GIMAP8: variants seen among roughly 807,000 people sequenced by gnomAD.
GIMAP8 encodes the protein GTPase IMAP family member 8.
Under a neutral mutation model 35.6 loss-of-function variants are expected in GIMAP8, and 29 were observed. The observed-to-expected ratio is 0.81, with a 90% CI of 0.61 to 1.11. GIMAP8 has a LOEUF of 1.11. Ranked by LOEUF, GIMAP8 falls within the 50% of genes most tolerant of loss-of-function variation. The pLI, the probability that GIMAP8 is intolerant of heterozygous loss-of-function variation, is 0.00. For synonymous variants in GIMAP8, 335 were observed against 308.7 expected, an observed-to-expected ratio of 1.09 and a Z score of -0.89; for missense variants, 811 against 805.0, an observed-to-expected ratio of 1.01 and a Z score of -0.09.
intron 1 of GIMAP8, among the ~76,000 whole-genome samples, chr7:150,452,969 C>T (rs62501488): frequency 0.18 from 28,003 of 151,486 alleles, 3,298 homozygotes; most frequent in Non-Finnish European, 0.26. Flanking sequence ...TTTACCTCCA[C>T]GTATTGGGCA....
Position 150,474,083 on chromosome 7 carries a change from C to T in GIMAP8, c.754C>T (p.Leu252Phe). The part of the protein sequence containing the change: ...NPGTSELTVL[L>F]VGKRGAGKSA... Reference sequence around the variant, plus strand: ...GGGGACATCAGAACTGACAGTCCTCCTTGTGGGGAAACGCGGTGCTGGAAA... The same window carrying T: ...GGGGACATCAGAACTGACAGTCCTCTTTGTGGGGAAACGCGGTGCTGGAAA... Residue 252 changes from leucine to phenylalanine, a missense_variant, in exon 4 of 5, where the codon CTT (leucine) becomes TTT (phenylalanine). By Grantham distance (22) the Leu-to-Phe change is conservative (BLOSUM62 0). Transcript: ENST00000307271. The T allele has an allele frequency of 6.2e-7, 1 of 1,614,156 alleles. No individual in the cohort carries two copies. The highest frequency in any genetic ancestry group is 8.5e-7 in the Non-Finnish European group (1 of 1,180,026).
intron 1 of GIMAP8, among the ~76,000 whole-genome samples, chr7:150,458,614 A>G (rs960906498): frequency 6.6e-6 from 1 of 152,218 alleles, no homozygotes; most frequent in African/African-American, 2.4e-5. Flanking sequence ...ACACTTCTCC[A>G]TAAATGACAC....
At chr7:150,463,881 T>C (rs1801895071) in intron 1 of GIMAP8, among the ~76,000 whole-genome samples, 1 of 152,148 alleles carries the variant, frequency 6.6e-6, no homozygotes, top group African/African-American at 2.4e-5. Context: ...GCAACAGGTT[T>C]GGTGGGCCAG....
intron 1 of GIMAP8, among the ~76,000 whole-genome samples, chr7:150,462,042 A>G (rs1038048155): frequency 6.6e-6 from 1 of 152,190 alleles, no homozygotes; most frequent in Non-Finnish European, 1.5e-5. Context: ...TTTTGTGGGC[A>G]GGGGGTGGAT....
At chr7:150,473,031 C>A (rs955046772) in intron 3 of GIMAP8, among the ~76,000 whole-genome samples, 1 of 152,204 alleles carries the variant, frequency 6.6e-6, no homozygotes, top group East Asian at 1.9e-4. Context: ...GAAACAGATT[C>A]GCAAAGCGGT....
intron 1 of GIMAP8, among the ~76,000 whole-genome samples, chr7:150,453,362 G>A (rs189561980): frequency 5.3e-5 from 8 of 152,306 alleles, no homozygotes; most frequent in South Asian, 4.1e-4. Context: ...GCCCCGTGCC[G>A]TGCAGCCATC....
intron 1 of GIMAP8, among the ~76,000 whole-genome samples, chr7:150,457,134 G>A (rs1045058947): frequency 3.3e-5 from 5 of 152,202 alleles, no homozygotes; most frequent in African/African-American, 4.8e-5. Flanking sequence ...CTTTTCTGCA[G>A]TTTATAGATT....
chr7:150,476,327 G>A (rs184417978), intron 4 of GIMAP8, among the ~76,000 whole-genome samples: 2 of 152,314 alleles, frequency 1.3e-5, no homozygotes, highest in East Asian at 3.9e-4. Context: ...AAGTGCAAAA[G>A]CATAAGAACG....
intron 1 of GIMAP8, among the ~76,000 whole-genome samples, chr7:150,465,758 G>A (rs1479646978): frequency 6.6e-6 from 1 of 152,190 alleles, no homozygotes; most frequent in Non-Finnish European, 1.5e-5. Flanking sequence ...CCTGGCAGGT[G>A]GAAGCCTTTG....
At chr7:150,473,761 A>G (rs1399994876) in intron 3 of GIMAP8, among the ~76,000 whole-genome samples, 1 of 151,854 alleles carries the variant, frequency 6.6e-6, no homozygotes, top group Non-Finnish European at 1.5e-5. Flanking sequence ...ACCTAGACCA[A>G]CGAAGGCCAA....
intron 1 of GIMAP8, among the ~76,000 whole-genome samples, chr7:150,466,424 G>T (rs1029494868): frequency 7.0e-6 from 1 of 142,346 alleles, no homozygotes; most frequent in Non-Finnish European, 1.5e-5. Context: ...ACTTCTTGTG[G>T]TTCCTAATGG....
intron 1 of GIMAP8, among the ~76,000 whole-genome samples, chr7:150,458,927 T>A (rs1430429905): frequency 2.0e-5 from 3 of 152,236 alleles, no homozygotes; most frequent in Admixed American, 6.5e-5. Context: ...ATAACAATTA[T>A]AATCCTCATT....
At position 150,479,334 on chromosome 7, in the gene GIMAP8, A is replaced by G. The variant is rs997129321; in HGVS notation, c.*1554A>G. On this transcript the variant is annotated 3_prime_UTR_variant, in exon 5 of 5. Coordinates refer to ENST00000307271, the MANE Select transcript of GIMAP8 (RefSeq NM_175571.4). Reference sequence around the variant, plus strand: ...CCTGAAATAAAAATTGGAAAGTAAAAAAAAGTGTGTAAATATATTTAGTTG... The same window carrying G: ...CCTGAAATAAAAATTGGAAAGTAAAGAAAAGTGTGTAAATATATTTAGTTG... The G allele has an allele frequency of 3.3e-5, 5 of 152,236 alleles. No homozygotes were observed. The highest frequency in any genetic ancestry group is 5.9e-5 in the Non-Finnish European group (4 of 68,046). The allele number at this position is 152,236 out of a possible 1,614,324, so 9.4% of individuals were successfully genotyped here. A position where few individuals can be genotyped will look rare whatever the true frequency, so the allele number is the denominator to read the frequency against.
rs986744281 is a variant in GIMAP8 at position 150,474,203 on chromosome 7, A to T, written c.874A>T (p.Ser292Cys). Reference protein sequence around the residue: ...VTQSFLSESRSWRKKKVSIID... With the variant: ...VTQSFLSESRCWRKKKVSIID... ...CCAGAGCTTCTTGTCTGAGAGCAGA[A>T]GCTGGAGAAAAAAGAAAGTTTCGAT... The change falls in exon 4 of 5, where the codon AGC (serine) becomes TGC (cysteine). Residue 292 changes from serine to cysteine, a missense_variant. Coordinates refer to ENST00000307271, the MANE Select transcript of GIMAP8 (RefSeq NM_175571.4). 6.2e-7 allele frequency: 1 copy of T among 1,614,074 alleles called. No individual in the cohort carries two copies. Among genetic ancestry groups the T allele is most frequent in the Non-Finnish European group, 8.5e-7 (1 of 1,180,026 alleles).
chr7:150,453,370 A>G (rs1801660919), intron 1 of GIMAP8, among the ~76,000 whole-genome samples: 3 of 152,190 alleles, frequency 2.0e-5, no homozygotes, highest in African/African-American at 7.2e-5. Flanking sequence ...CCGTGCAGCC[A>G]TCCAGATGAT....
intron 2 of GIMAP8, among the ~76,000 whole-genome samples, 158 bp from the exon 3 acceptor site, chr7:150,470,671 A>G (rs1470134294): frequency 1.3e-5 from 2 of 151,766 alleles, no homozygotes; most frequent in East Asian, 1.9e-4. Flanking sequence ...ACAAAGACCA[A>G]CAAAGACCAT....
At chr7:150,467,946 A>G (rs1201368202) in intron 2 of GIMAP8, among the ~76,000 whole-genome samples, 1 of 152,010 alleles carries the variant, frequency 6.6e-6, no homozygotes, top group African/African-American at 2.4e-5. Context: ...CTCACACTTA[A>G]TATGTCCAAA....
chr7:150,455,155 A>C (rs1188724093), intron 1 of GIMAP8, among the ~76,000 whole-genome samples: 4 of 141,644 alleles, frequency 2.8e-5, no homozygotes, highest in Non-Finnish European at 6.1e-5. Context: ...AAAAAAAAAA[A>C]CCAAAAAACA....
At chr7:150,475,511 C>T (rs906015468) in intron 4 of GIMAP8, among the ~76,000 whole-genome samples, 1 of 152,186 alleles carries the variant, frequency 6.6e-6, no homozygotes, top group Non-Finnish European at 1.5e-5. Context: ...CCCTTTGTTT[C>T]CCCACAGTGT....
Sources: gnomAD v4.1 joint callset for allele counts (sites outside exome capture counted in the v4.1 genomes callset) on GRCh38, gnomAD v4.1.1 for gene constraint, MANE v1.5 for transcripts, NCBI Gene and HGNC (gene_info 2026-07-23, HGNC 2026-07-21) for gene names.